Variants in CNOT6L observed in about 807,000 individuals in gnomAD.
CNOT6L encodes CCR4-NOT transcription complex subunit 6 like.
In CNOT6L, 7 loss-of-function variants were observed where a neutral mutation model predicts 64.0. That is an observed-to-expected ratio of 0.11 (90% confidence interval 0.06 to 0.21). CNOT6L has a LOEUF of 0.21. Among genes scored for constraint, CNOT6L ranks in the 10% least tolerant of loss-of-function variants. The pLI is 1.00. For missense variants in CNOT6L, 245 were observed against 669.0 expected (o/e 0.37, Z 6.99); for synonymous variants, 193 against 243.4 (o/e 0.79, Z 1.93).
rs111778306 is a variant in CNOT6L at position 77,808,506 on chromosome 4, G to C, written c.5+10798C>G. Among the ~76,000 whole-genome samples the C allele has an allele frequency of 9.7e-4, 147 of 151,380 alleles. 1 individual carries two copies. Among genetic ancestry groups the C allele is most frequent in the African/African-American group, 3.1e-3 (126 of 41,248 alleles). On this transcript the variant is annotated intron_variant, in intron 1 of 11. Transcript: ENST00000504123. ...AGAGAAGAGAAAAGAAGAGAAGCTT[G>C]CTGTCTCCTATCCTAGCCCACAGTA...
At chr4:77,819,174 C>T in intron 1 of CNOT6L, 130 bp downstream of exon 1, 2 of 1,586,398 alleles carry the variant, frequency 1.3e-6, no homozygotes, top group Non-Finnish European at 8.6e-7. Flanking sequence ...CTCGGGCCGC[C>T]TCCCCGCCCG....
chr4:77,764,669 A>G (rs954087169), intron 4 of CNOT6L, among the ~76,000 whole-genome samples: 2 of 152,158 alleles, frequency 1.3e-5, no homozygotes, highest in South Asian at 4.1e-4. Context: ...TCATCTGCGC[A>G]CAACAGCAAT....
chr4:77,720,362 T>A lies in CNOT6L; in HGVS notation c.*69A>T. The A allele has an allele frequency of 1.4e-6, 2 of 1,446,696 alleles. No homozygotes were observed. The highest frequency in any genetic ancestry group is 1.9e-6 in the Non-Finnish European group (2 of 1,042,624). 89.6% of individuals were successfully genotyped at this position (1,446,696 alleles called of 1,614,324 possible). ...CTTAAGGATGGCCATACTTCACTCCTACATACTTTGATTTACAACTGTACA... is the reference window on the plus strand; with the variant it reads ...CTTAAGGATGGCCATACTTCACTCCAACATACTTTGATTTACAACTGTACA... On this transcript the variant is annotated 3_prime_UTR_variant, in exon 12 of 12. Transcript: ENST00000504123.
rs143952532 is a variant in CNOT6L, at chr4:77,740,791, G to A, written c.872+1350C>T. Among the ~76,000 whole-genome samples the A allele has an allele frequency of 2.9e-3, 443 of 152,290 alleles. 3 individuals are homozygous for A. The highest frequency in any genetic ancestry group is 9.9e-3 in the African/African-American group (411 of 41,550). ...AGCTGAAAAATTCCTATCACCCAGTGATGATGTAGGTGTCTTAACATCACA... is the reference window on the plus strand; with the variant it reads ...AGCTGAAAAATTCCTATCACCCAGTAATGATGTAGGTGTCTTAACATCACA... On this transcript the variant is annotated intron_variant, in intron 8 of 11. Transcript: ENST00000504123.
chr4:77,714,438 TAAAAAAAAAAAAAA>T lies in CNOT6L; in HGVS notation c.*5979_*5992del, dbSNP rs201499481. 1 of 134,684 alleles carries T rather than the reference TAAAAAAAAAAAAAA, an allele frequency of 7.4e-6. No homozygotes were observed. Among genetic ancestry groups the T allele is most frequent in the African/African-American group, 3.0e-5 (1 of 33,750 alleles). 8.3% of individuals were successfully genotyped at this position (134,684 alleles called of 1,614,324 possible). A position where few individuals can be genotyped will look rare whatever the true frequency, so the allele number is the denominator to read the frequency against. On this transcript the variant is annotated 3_prime_UTR_variant, in exon 12 of 12. Coordinates refer to ENST00000504123, the MANE Select transcript of CNOT6L (RefSeq NM_144571.3). ...AGAAAAAGTACATACACACTCTCTT[TAAAAAAAAAAAAAA>T]AAAAAAAAAAAAAAAAAAAAAAAGC...
Position 77,793,570 on chromosome 4 carries a change from C to T in CNOT6L, c.6-17178G>A, listed in dbSNP as rs75025709. Among the ~76,000 whole-genome samples the T allele has an allele frequency of 3.8e-3, 574 of 152,202 alleles. 2 individuals are homozygous for T. The highest frequency in any genetic ancestry group is 0.012 in the African/African-American group (518 of 41,524). ...AGCAGAGACTACATCATGCTGCCCC[C>T]GTCTCTTATGATGGACTTGGAAAAC... On this transcript the variant is annotated intron_variant, in intron 1 of 11. Coordinates refer to ENST00000504123, the MANE Select transcript of CNOT6L (RefSeq NM_144571.3).
chr4:77,725,201 G>A (rs181982259), intron 11 of CNOT6L, among the ~76,000 whole-genome samples: 21 of 152,086 alleles, frequency 1.4e-4, no homozygotes, highest in Non-Finnish European at 1.2e-4. Context: ...AACAACACAC[G>A]AATTTCTTTT....
rs1409118827 is a variant in CNOT6L at position 77,714,003 on chromosome 4, G to A, written c.*6428C>T. The A allele has an allele frequency of 6.6e-6, 1 of 152,438 alleles. No homozygotes were observed. The highest frequency in any genetic ancestry group is 1.5e-5 in the Non-Finnish European group (1 of 67,974). 9.4% of individuals were successfully genotyped at this position (152,438 alleles called of 1,614,324 possible). A position where few individuals can be genotyped will look rare whatever the true frequency, so the allele number is the denominator to read the frequency against. On this transcript the variant is annotated 3_prime_UTR_variant, in exon 12 of 12. Transcript: ENST00000504123. ...ACAAAAACAAGTTGATTTAGTCCTT[G>A]GCTTTTTCTTAGAACAAAAGCAAAG...
At chr4:77,752,633 G>C (rs1206585063) in intron 5 of CNOT6L, among the ~76,000 whole-genome samples, 1 of 151,962 alleles carries the variant, frequency 6.6e-6, no homozygotes, top group Non-Finnish European at 1.5e-5. Flanking sequence ...GGCCAAGGAA[G>C]AAATAAGGGC....
chr4:77,776,284 T>C lies in CNOT6L; in HGVS notation c.114A>G (p.Glu38=), dbSNP rs768586851. 2.0e-5 allele frequency: 32 copies of C among 1,611,528 alleles called. No individual in the cohort carries two copies. In the Admixed American group the frequency reaches 5.3e-4, roughly 27 times the overall value. ...GATTCCACTCACCCGAGATTTCTAATTCTGCCCAGTGAGATTTTTTCCCAT... is the reference window on the plus strand; with the variant it reads ...GATTCCACTCACCCGAGATTTCTAACTCTGCCCAGTGAGATTTTTTCCCAT... The part of the protein sequence containing the change: ...VANGKKSHWA[E]LEISGRVRSL... Residue 38 remains glutamate (E), a synonymous_variant, in exon 2 of 12, where the codon GAA becomes GAG. Transcript: ENST00000504123.
chr4:77,814,866 A>G lies in CNOT6L; in HGVS notation c.5+4438T>C, dbSNP rs147700203. ...TTCAATTAAAGTTGTCCAGTGATAA[A>G]ATACCATTTACTGTATTAGAGGTCC... On this transcript the variant is annotated intron_variant, in intron 1 of 11. Transcript: ENST00000504123. Among the ~76,000 whole-genome samples the G allele has an allele frequency of 2.0e-5, 3 of 152,296 alleles. No individual in the cohort carries two copies. The East Asian group carries it at 5.8e-4, about 29-fold the overall frequency.
intron 1 of CNOT6L, among the ~76,000 whole-genome samples, chr4:77,811,666 T>C (rs1732957248): frequency 1.3e-5 from 2 of 152,286 alleles, no homozygotes; most frequent in South Asian, 2.1e-4. Flanking sequence ...ACATAGCATC[T>C]TTATTTTTCT....
chr4:77,819,010 G>A (rs1733938722), intron 1 of CNOT6L: 7 of 665,228 alleles, frequency 1.1e-5, no homozygotes, highest in African/African-American at 1.9e-5. Flanking sequence ...AAAGCGGGAG[G>A]GACACGCCAC....
At chr4:77,726,410 A>G in intron 10 of CNOT6L, 41 bp from the exon 11 acceptor site, 10 of 1,499,400 alleles carry the variant, frequency 6.7e-6, no homozygotes, top group Non-Finnish European at 9.2e-6. Context: ...TAGCATTTAG[A>G]CCTTACACAA....
At chr4:77,722,257 C>CAGA (rs1260170109) in intron 11 of CNOT6L, among the ~76,000 whole-genome samples, 1 of 152,006 alleles carries the variant, frequency 6.6e-6, no homozygotes, top group Admixed American at 6.6e-5. Context: ...TTATGTTGAA[C>CAGA]AGAATCTCCT....
At chr4:77,724,080 T>C (rs1381710216) in intron 11 of CNOT6L, among the ~76,000 whole-genome samples, 4 of 147,104 alleles carry the variant, frequency 2.7e-5, no homozygotes, top group Non-Finnish European at 6.0e-5. Flanking sequence ...GGCAACATGG[T>C]GAAACCCTGT....
chr4:77,803,205 T>C (rs111314162), intron 1 of CNOT6L, among the ~76,000 whole-genome samples: 9 of 151,758 alleles, frequency 5.9e-5, no homozygotes, highest in African/African-American at 2.2e-4. Context: ...AAGAATGCAG[T>C]GGCCAAAAAA....
intron 4 of CNOT6L, among the ~76,000 whole-genome samples, chr4:77,764,933 C>T (rs1428479893): frequency 6.6e-6 from 1 of 152,164 alleles, no homozygotes; most frequent in African/African-American, 2.4e-5. Context: ...ACCAGAGCAA[C>T]TCTATCTTGA....
At position 77,719,112 on chromosome 4, in the gene CNOT6L, A is replaced by G. The variant is rs1310162431; in HGVS notation, c.*1319T>C. The G allele has an allele frequency of 6.6e-6, 1 of 152,626 alleles. No homozygotes were observed. Among genetic ancestry groups the G allele is most frequent in the African/African-American group, 2.4e-5 (1 of 41,452 alleles). The allele number at this position is 152,626 out of a possible 1,614,324, so 9.5% of individuals were successfully genotyped here. A position where few individuals can be genotyped will look rare whatever the true frequency, so the allele number is the denominator to read the frequency against. ...TTCCTGTTACTGTGCCATAATTAAC[A>G]TCAAGTAGCCAACCAATTTTTCCCC... On this transcript the variant is annotated 3_prime_UTR_variant, in exon 12 of 12. Transcript: ENST00000504123.
Sources: allele counts gnomAD v4.1 joint callset (sites outside exome capture counted in the v4.1 genomes callset), GRCh38; gene constraint gnomAD v4.1.1; transcripts MANE v1.5; gene names NCBI Gene and HGNC (gene_info 2026-07-23, HGNC 2026-07-21).